Variants in CNTNAP2 observed in about 807,000 individuals in gnomAD.
The protein encoded by CNTNAP2 is contactin associated protein 2, also known as contactin-associated protein-like 2.
In CNTNAP2, 98 loss-of-function variants were observed where a neutral mutation model predicts 155.2. The observed-to-expected ratio is 0.63, with a 90% CI of 0.54 to 0.75. The LOEUF is 0.75. Ranked by LOEUF, CNTNAP2 falls within the 30% of genes least tolerant of loss-of-function variation. The pLI is 0.00. For synonymous variants in CNTNAP2, 651 were observed against 631.2 expected (o/e 1.03, Z -0.47); for missense variants, 1,727 against 1,688.1 (o/e 1.02, Z -0.40).
intron 3 of CNTNAP2, among the ~76,000 whole-genome samples, chr7:146,875,201 A>G (rs1585133116): frequency 4.6e-5 from 7 of 152,300 alleles, no homozygotes; most frequent in Non-Finnish European, 4.4e-5. Flanking sequence ...GCATTTTGTT[A>G]TACATATTTT....
chr7:148,201,736 T>A (rs1270356146), intron 18 of CNTNAP2, among the ~76,000 whole-genome samples: 2 of 152,042 alleles, frequency 1.3e-5, no homozygotes, highest in African/African-American at 4.8e-5. Flanking sequence ...TCACCATCCA[T>A]GGTCACTATT....
At chr7:146,202,529 A>G (rs1174785800) in intron 1 of CNTNAP2, among the ~76,000 whole-genome samples, 1 of 152,156 alleles carries the variant, frequency 6.6e-6, no homozygotes, top group African/African-American at 2.4e-5. Context: ...ACTTCCGGCA[A>G]TCCAAACTAT....
intron 9 of CNTNAP2, among the ~76,000 whole-genome samples, chr7:147,378,548 A>C (rs1203702632): frequency 2.0e-5 from 3 of 152,060 alleles, no homozygotes; most frequent in Admixed American, 2.0e-4. Flanking sequence ...GTGGGAGCTA[A>C]AAATTAAAAT....
chr7:147,632,194 A>G (rs1181342364), intron 12 of CNTNAP2, among the ~76,000 whole-genome samples: 2 of 152,204 alleles, frequency 1.3e-5, no homozygotes, highest in East Asian at 3.8e-4. Context: ...TCAAAAGAAG[A>G]TGTACAAATG....
chr7:146,202,843 C>A (rs767041525), intron 1 of CNTNAP2, among the ~76,000 whole-genome samples: 3 of 152,062 alleles, frequency 2.0e-5, no homozygotes, highest in Admixed American at 1.3e-4. Flanking sequence ...AAAATATTGA[C>A]AACAGTTGTC....
chr7:148,111,688 G>T (rs962033475), intron 15 of CNTNAP2, among the ~76,000 whole-genome samples: 10 of 152,146 alleles, frequency 6.6e-5, no homozygotes, highest in Admixed American at 2.0e-4. Flanking sequence ...AAAGTTTCCA[G>T]AAAGGAAAAA....
intron 9 of CNTNAP2, among the ~76,000 whole-genome samples, chr7:147,331,769 T>C (rs6977507): frequency 0.2 from 29,673 of 152,106 alleles, 3,153 homozygotes; most frequent in East Asian, 0.36. Context: ...GTTCTCCTTT[T>C]GGCCACTGGC....
At chr7:147,819,202 A>T (rs1218132301) in intron 13 of CNTNAP2, among the ~76,000 whole-genome samples, 2 of 152,194 alleles carry the variant, frequency 1.3e-5, no homozygotes. Flanking sequence ...GTATAATGGG[A>T]AAAGAATTGT....
Position 147,826,842 on chromosome 7 carries a change from G to C in CNTNAP2, c.2099-76723G>C, listed in dbSNP as rs186596049. On this transcript the variant is annotated intron_variant, in intron 13 of 23. Coordinates refer to ENST00000361727, the MANE Select transcript of CNTNAP2 (RefSeq NM_014141.6). ...CAGTAAAATTTAATGAATTCAGTTG[G>C]TTCTTTTAACCATCATATGGTCTCA... is the stretch of plus-strand genomic sequence containing the variant. 6.8e-4 allele frequency among the ~76,000 whole-genome samples: 103 copies of C among 152,058 alleles called. 1 individual carries two copies. The highest frequency in any genetic ancestry group is 1.8e-3 in the Admixed American group (28 of 15,264).
intron 1 of CNTNAP2, among the ~76,000 whole-genome samples, chr7:146,680,594 A>G (rs2129169771): frequency 6.6e-6 from 1 of 152,344 alleles, no homozygotes; most frequent in South Asian, 2.1e-4. Flanking sequence ...TAGTTCATTT[A>G]TGAAAAAATA....
chr7:147,540,291 T>G (rs761355113), intron 11 of CNTNAP2, among the ~76,000 whole-genome samples: 11 of 152,124 alleles, frequency 7.2e-5, no homozygotes, highest in Non-Finnish European at 1.3e-4. Context: ...CACATCTCTT[T>G]CCTTCTACTT....
At chr7:148,211,576 G>A (rs557783299) in intron 18 of CNTNAP2, among the ~76,000 whole-genome samples, 1 of 152,092 alleles carries the variant, frequency 6.6e-6, no homozygotes, top group Non-Finnish European at 1.5e-5. Flanking sequence ...TGGGAAATAG[G>A]CAAAAACTAT....
In CNTNAP2 at chr7:146,351,130, G is replaced by A. The variant is rs1280230488; in HGVS notation, c.97+234157G>A. ...ACCAGCATGGCACATATATACATAT[G>A]TAACAAACCTGCACATTGTGCACAT... On this transcript the variant is annotated intron_variant, in intron 1 of 23. Transcript: ENST00000361727. Among the ~76,000 whole-genome samples the A allele has an allele frequency of 5.9e-5, 9 of 151,898 alleles. No individual in the cohort carries two copies. In the East Asian group the frequency reaches 1.4e-3, roughly 23 times the overall value.
intron 1 of CNTNAP2, among the ~76,000 whole-genome samples, chr7:146,665,365 C>A (rs938108475): frequency 5.3e-5 from 8 of 152,168 alleles, no homozygotes; most frequent in Admixed American, 4.6e-4. Context: ...CACTTATTTT[C>A]TCTATTATTT....
At chr7:146,678,964 G>A (rs1474892799) in intron 1 of CNTNAP2, among the ~76,000 whole-genome samples, 1 of 152,022 alleles carries the variant, frequency 6.6e-6, no homozygotes, top group Non-Finnish European at 1.5e-5. Flanking sequence ...GACTCATCAT[G>A]TCACTTTTCA....
At chr7:147,453,292 G>A (rs368750022) in intron 10 of CNTNAP2, among the ~76,000 whole-genome samples, 4 of 152,134 alleles carry the variant, frequency 2.6e-5, no homozygotes, top group African/African-American at 9.7e-5. Context: ...AGGTGCTTCA[G>A]GAAGAATCAG....
intron 13 of CNTNAP2, among the ~76,000 whole-genome samples, chr7:147,642,390 C>A (rs1359859259): frequency 6.6e-6 from 1 of 152,040 alleles, no homozygotes; most frequent in Admixed American, 6.6e-5. Context: ...GGTTGAGGTA[C>A]CAGGAGAATT....
chr7:146,322,560 A>G (rs1801023196), intron 1 of CNTNAP2, among the ~76,000 whole-genome samples: 1 of 150,380 alleles, frequency 6.6e-6, no homozygotes, highest in East Asian at 2.0e-4. Flanking sequence ...AATTTGGGAA[A>G]TCTATTGGAT....
intron 1 of CNTNAP2, among the ~76,000 whole-genome samples, chr7:146,328,534 T>TGTGTGTGC (rs1554417619): frequency 2.6e-3 from 402 of 152,042 alleles, no homozygotes; most frequent in African/African-American, 9.4e-3. Context: ...TGTGTGTGTG[T>TGTGTGTGC]GTGTGTGTGT....
Sources: gnomAD v4.1 joint callset for allele counts (sites outside exome capture counted in the v4.1 genomes callset) on GRCh38, gnomAD v4.1.1 for gene constraint, MANE v1.5 for transcripts, NCBI Gene and HGNC (gene_info 2026-07-23, HGNC 2026-07-21) for gene names.